Variants in RPS6KA2 observed in about 807,000 individuals in gnomAD.
RPS6KA2 encodes the protein ribosomal protein S6 kinase alpha-2.
A neutral mutation model predicts 91.8 loss-of-function variants in RPS6KA2; 42 were observed. The ratio of observed to expected loss-of-function variants is 0.46; its 90% CI spans 0.36 to 0.59. The LOEUF is 0.59. Among genes scored for constraint, RPS6KA2 ranks in the 20% least tolerant of loss-of-function variants. The probability of loss-of-function intolerance (pLI) is 0.00; values close to 1 mark genes in which losing one functional copy is unlikely to be tolerated. For synonymous variants in RPS6KA2, 414 were observed against 393.6 expected, an observed-to-expected ratio of 1.05 and a Z score of -0.61; for missense variants, 798 against 978.5, an observed-to-expected ratio of 0.82 and a Z score of 2.46.
intron 1 of RPS6KA2, among the ~76,000 whole-genome samples, chr6:166,592,450 G>T (rs1269235053): frequency 6.6e-6 from 1 of 152,228 alleles, no homozygotes; most frequent in Non-Finnish European, 1.5e-5. Flanking sequence ...AAGGGAACTA[G>T]GAGGTGAGAA....
At position 166,411,756 on chromosome 6, in the gene RPS6KA2, C is replaced by T. The variant is rs1344665072; in HGVS notation, c.*1006G>A. 6.6e-6 allele frequency: 1 copy of T among 152,536 alleles called. No homozygotes were observed. The highest frequency in any genetic ancestry group is 2.4e-5 in the African/African-American group (1 of 41,460). The allele number at this position is 152,536 out of a possible 1,614,324, so 9.4% of individuals were successfully genotyped here. Reference sequence around the variant, plus strand: ...TGCTGGGTGGGGCCTGTGTCTCCCTCCAGCCTCCAGCTGGACTGAGAAGGT... The same window carrying T: ...TGCTGGGTGGGGCCTGTGTCTCCCTTCAGCCTCCAGCTGGACTGAGAAGGT... On this transcript the variant is annotated 3_prime_UTR_variant, in exon 21 of 21. Transcript: ENST00000265678. The surrounding 1 kb of genome is among the most constrained non-coding windows in gnomAD (Gnocchi z 4.5).
At chr6:166,780,017 G>A (rs1463648788) in intron 2 of RPS6KA2, among the ~76,000 whole-genome samples, 2 of 152,182 alleles carry the variant, frequency 1.3e-5, no homozygotes, top group African/African-American at 4.8e-5. Flanking sequence ...CTTTTCTATG[G>A]GAGATAGGGA....
chr6:166,745,240 C>T (rs1455878657), intron 2 of RPS6KA2, among the ~76,000 whole-genome samples: 2 of 151,546 alleles, frequency 1.3e-5, no homozygotes, highest in Non-Finnish European at 2.9e-5. Flanking sequence ...CAACCTCTGC[C>T]TCCTGGGTTC....
intron 1 of RPS6KA2, among the ~76,000 whole-genome samples, chr6:166,861,188 C>T (rs917000480): frequency 7.9e-5 from 12 of 152,226 alleles, no homozygotes; most frequent in East Asian, 5.8e-4. Flanking sequence ...TATCTCAAGA[C>T]GTACATATAA....
Position 166,532,557 on chromosome 6 carries a change from C to A in RPS6KA2, c.217-1244G>T, listed in dbSNP as rs190070851. ...GATTCCGGACCCCACTGCTGCCCTG[C>A]CATCTGTCCCGATCACTGTCATTAT... On this transcript the variant is annotated intron_variant, in intron 2 of 20. Transcript: ENST00000265678. 1.6e-3 allele frequency among the ~76,000 whole-genome samples: 251 copies of A among 152,332 alleles called. 1 individual carries two copies. Among genetic ancestry groups the A allele is most frequent in the African/African-American group, 5.5e-3 (228 of 41,584 alleles).
chr6:166,475,108 C>A (rs929139871), intron 10 of RPS6KA2, among the ~76,000 whole-genome samples: 2 of 152,202 alleles, frequency 1.3e-5, no homozygotes, highest in African/African-American at 4.8e-5. Flanking sequence ...AAGCAGACAG[C>A]CTGAGCAGGG....
At chr6:166,678,380 C>T (rs147202997) in intron 2 of RPS6KA2, among the ~76,000 whole-genome samples, 12 of 152,336 alleles carry the variant, frequency 7.9e-5, no homozygotes, top group East Asian at 3.9e-4. Flanking sequence ...TTCCACAAGC[C>T]GCCCTGCAAG....
At chr6:166,791,109 C>T (rs1779075921) in intron 2 of RPS6KA2, among the ~76,000 whole-genome samples, 1 of 152,104 alleles carries the variant, frequency 6.6e-6, no homozygotes, top group Non-Finnish European at 1.5e-5. Context: ...GTGCTGTATT[C>T]AGGAGAACCA....
chr6:166,427,599 CAA>C (rs1162270607), intron 16 of RPS6KA2, among the ~76,000 whole-genome samples: 2 of 152,224 alleles, frequency 1.3e-5, no homozygotes, highest in African/African-American at 4.8e-5. Flanking sequence ...GCAACTTCAG[CAA>C]AGTCTCAGGA....
rs143831323 is a variant in RPS6KA2, at chr6:166,494,466, C to T, written c.748-3725G>A. 0.015 allele frequency among the ~76,000 whole-genome samples: 2,243 copies of T among 152,282 alleles called. 65 individuals are homozygous for T. Among genetic ancestry groups the T allele is most frequent in the African/African-American group, 0.051 (2,124 of 41,530 alleles). The stretch of plus-strand genomic sequence containing the variant: ...CGGGATGTCCAGAACATTCCGTGCC[C>T]GTGGTTAAGAAACGGGAGAAGGATA... On this transcript the variant is annotated intron_variant, in intron 8 of 20. Coordinates refer to ENST00000265678, the MANE Select transcript of RPS6KA2 (RefSeq NM_021135.6). The surrounding 1 kb of genome is among the most constrained non-coding windows in gnomAD (Gnocchi z 5.1).
intron 3 of RPS6KA2, among the ~76,000 whole-genome samples, chr6:166,518,122 CT>C (rs1312871042): frequency 6.6e-6 from 1 of 151,790 alleles, no homozygotes; most frequent in African/African-American, 2.4e-5. Flanking sequence ...CCTGTCTCTA[CT>C]AAAAATACAA....
chr6:166,728,653 T>C (rs1189993256), intron 2 of RPS6KA2, among the ~76,000 whole-genome samples: 1 of 152,190 alleles, frequency 6.6e-6, no homozygotes, highest in African/African-American at 2.4e-5. Context: ...AAATTATTAG[T>C]GTTGTCTTGA....
At chr6:166,752,827 C>T (rs1777888407) in intron 2 of RPS6KA2, among the ~76,000 whole-genome samples, 1 of 152,202 alleles carries the variant, frequency 6.6e-6, no homozygotes, top group Non-Finnish European at 1.5e-5. Flanking sequence ...GTAAAATCTG[C>T]ATCAAGTAGA....
intron 1 of RPS6KA2, among the ~76,000 whole-genome samples, chr6:166,625,197 T>C (rs151279910): frequency 2.6e-5 from 4 of 152,310 alleles, no homozygotes; most frequent in East Asian, 1.9e-4. Context: ...GAAGCACTAA[T>C]TGACTACTTG....
intron 10 of RPS6KA2, among the ~76,000 whole-genome samples, chr6:166,485,756 C>A (rs1781386516): frequency 6.6e-6 from 1 of 152,212 alleles, no homozygotes; most frequent in South Asian, 2.1e-4. Flanking sequence ...CAGACCACAC[C>A]CAGATTTGGG....
Position 166,647,569 on chromosome 6 carries a change from A to G in RPS6KA2, c.124-108785T>C, listed in dbSNP as rs978185994. On this transcript the variant is annotated intron_variant, in intron 2 of 21. Transcript: ENST00000503859. ...CTCAGCTGACCACGCAAGGTTCTAC[A>G]TGCCCGTTCCACCTCTTTCCATACC... Among the ~76,000 whole-genome samples the G allele has an allele frequency of 8.5e-5, 13 of 152,338 alleles. No individual in the cohort carries two copies. The South Asian group carries it at 1.7e-3, about 19-fold the overall frequency.
intron 1 of RPS6KA2, among the ~76,000 whole-genome samples, chr6:166,601,545 T>G (rs978937627): frequency 1.3e-5 from 2 of 152,214 alleles, no homozygotes; most frequent in Non-Finnish European, 2.9e-5. Flanking sequence ...AATAGGACAG[T>G]GTGGTTTTGA....
intron 8 of RPS6KA2, among the ~76,000 whole-genome samples, chr6:166,498,025 C>T (rs887585743): frequency 6.6e-6 from 1 of 152,090 alleles, no homozygotes; most frequent in African/African-American, 2.4e-5. Context: ...CACACAGTTC[C>T]TAGGGCGGAG....
At chr6:166,531,869 G>A (rs140082670) in intron 2 of RPS6KA2, among the ~76,000 whole-genome samples, 1 of 152,192 alleles carries the variant, frequency 6.6e-6, no homozygotes, top group East Asian at 1.9e-4. Context: ...ACATTTTGAT[G>A]TGTATCACTG....
Sources: allele counts gnomAD v4.1 joint callset (sites outside exome capture counted in the v4.1 genomes callset), GRCh38; gene constraint gnomAD v4.1.1; non-coding constraint Gnocchi (gnomAD v3.1); transcripts MANE v1.5; gene names NCBI Gene and HGNC (gene_info 2026-07-23, HGNC 2026-07-21).